The following PPFIA4 variants were observed in gnomAD, a reference collection of about 807,000 sequenced individuals.
PPFIA4 encodes the protein PPFI scaffold protein A4.
A neutral mutation model predicts 145.7 loss-of-function variants in PPFIA4; 98 were observed. The observed-to-expected ratio is 0.67, with a 90% confidence interval of 0.57 to 0.80. PPFIA4 has a LOEUF of 0.80. Ranked by LOEUF, PPFIA4 falls within the 30% of genes least tolerant of loss-of-function variation. PPFIA4 has a pLI of 0.00. For missense variants in PPFIA4, 1,457 were observed against 1,632.7 expected, an observed-to-expected ratio of 0.89 and a Z score of 1.85; for synonymous variants, 628 against 649.6, an observed-to-expected ratio of 0.97 and a Z score of 0.51.
In PPFIA4 at chr1:203,060,472, G is replaced by A; in HGVS notation, c.2784+55G>A. On this transcript the variant is annotated intron_variant, in intron 22 of 29. Coordinates refer to ENST00000295706, the MANE Select transcript of PPFIA4 (RefSeq NM_001304331.2). The surrounding 1 kb of genome is among the most constrained non-coding windows in gnomAD (Gnocchi z 4.8). ...TTTCAGAGGTCCTGGAACATAGTTT[G>A]CAAGGTCTCCTGTTGGGCTTTGGGA... The A allele has an allele frequency of 1.9e-6, 3 of 1,577,812 alleles. No individual in the cohort carries two copies. Among genetic ancestry groups the A allele is most frequent in the Non-Finnish European group, 2.6e-6 (3 of 1,157,300 alleles).
At chr1:203,072,225 G>A (rs1029521994) in intron 28 of PPFIA4, among the ~76,000 whole-genome samples, 9 of 152,186 alleles carry the variant, frequency 5.9e-5, no homozygotes, top group African/African-American at 1.7e-4. Context: ...CCCTGCTGAG[G>A]TTGTTAAATG....
chr1:203,031,422 T>TCACA (rs1658818261), intron 1 of PPFIA4, among the ~76,000 whole-genome samples: 1 of 151,796 alleles, frequency 6.6e-6, no homozygotes, highest in Non-Finnish European at 1.5e-5. Context: ...GTTCTCATGA[T>TCACA]CACACACACA....
Position 203,075,550 on chromosome 1 carries a change from G to A in PPFIA4, c.3394-27G>A, listed in dbSNP as rs1571750402. On this transcript the variant is annotated intron_variant, in intron 28 of 29. Transcript: ENST00000295706. This position sits in a 1 kb window ranked among gnomAD's most constrained non-coding sequence, Gnocchi z 4.1. Reference sequence around the variant, plus strand: ...GGATGGCAATTCCAACAGGGCCCTCGGGCCTCTGGTGTCCCCCATGGTGCA... The same window carrying A: ...GGATGGCAATTCCAACAGGGCCCTCAGGCCTCTGGTGTCCCCCATGGTGCA... 2.9e-6 allele frequency: 4 copies of A among 1,371,416 alleles called. No individual in the cohort carries two copies. The highest frequency in any genetic ancestry group is 3.0e-5 in the African/African-American group (2 of 66,812). 85.0% of individuals were successfully genotyped at this position (1,371,416 alleles called of 1,614,324 possible).
Position 203,075,571 on chromosome 1 carries a change from G to A in PPFIA4, c.3394-6G>A, listed in dbSNP as rs1313441984. On this transcript the variant is annotated splice_polypyrimidine_tract_variant and splice_region_variant and intron_variant, in intron 28 of 29. Coordinates refer to ENST00000295706, the MANE Select transcript of PPFIA4 (RefSeq NM_001304331.2). This position sits in a 1 kb window ranked among gnomAD's most constrained non-coding sequence, Gnocchi z 4.1. ...CCTCGGGCCTCTGGTGTCCCCCATG[G>A]TGCAGGGGGATGACAAGGTGTTTCG... 2 of 1,446,896 alleles carry A rather than the reference G, an allele frequency of 1.4e-6. No individual in the cohort carries two copies. Among genetic ancestry groups the A allele is most frequent in the South Asian group, 1.5e-5 (1 of 68,144 alleles). The allele number at this position is 1,446,896 out of a possible 1,614,324, so 89.6% of individuals were successfully genotyped here.
Position 203,039,049 on chromosome 1 carries a change from T to C in PPFIA4, c.41T>C (p.Leu14Pro). Residue 14 changes from leucine to proline, a missense_variant, in exon 2 of 30, where the codon CTG becomes CCG. By Grantham distance (98) the Leu-to-Pro change is moderately conservative. This residue lies in a region of PPFIA4 where 463 missense variants were observed against 459.8 expected (regional missense o/e 1.01). Transcript: ENST00000295706. ...VMPTINEGDR[L>P]GPPHGADADA... ...CCCACAATCAATGAGGGGGACCGCCTGGGTCCCCCTCATGGCGCCGATGCT... is the reference window on the plus strand; with the variant it reads ...CCCACAATCAATGAGGGGGACCGCCCGGGTCCCCCTCATGGCGCCGATGCT... The C allele has an allele frequency of 2.5e-6, 4 of 1,579,872 alleles. No individual in the cohort carries two copies. In the African/African-American group the frequency reaches 4.1e-5, roughly 16 times the overall value.
intron 1 of PPFIA4, among the ~76,000 whole-genome samples, chr1:203,030,711 GTGGACT>G (rs548171455): frequency 6.6e-4 from 100 of 152,272 alleles, no homozygotes; most frequent in Middle Eastern, 3.4e-3. Flanking sequence ...GAGGCCACAC[GTGGACT>G]TACGCTGTCT....
intron 17 of PPFIA4, 35 bp downstream of exon 17, chr1:203,056,190 T>C: frequency 6.2e-7 from 1 of 1,613,392 alleles, no homozygotes; most frequent in Non-Finnish European, 8.5e-7. Flanking sequence ...TACTAACGGG[T>C]TCACTGCTCC....
chr1:203,027,049 C>T (rs923882517), intron 1 of PPFIA4, among the ~76,000 whole-genome samples: 6 of 152,256 alleles, frequency 3.9e-5, no homozygotes, highest in African/African-American at 9.6e-5. Context: ...GAGGTCTTCG[C>T]TCTTCGCGGG....
rs2102660443 is a variant in PPFIA4, at chr1:203,055,794, A to C, written c.2070+122A>C. 5.5e-6 allele frequency: 8 copies of C among 1,443,052 alleles called. No individual in the cohort carries two copies. The highest frequency in any genetic ancestry group is 6.6e-6 in the Non-Finnish European group (7 of 1,062,128). 89.4% of individuals were successfully genotyped at this position (1,443,052 alleles called of 1,614,324 possible). On this transcript the variant is annotated intron_variant, in intron 16 of 29. Coordinates refer to ENST00000295706, the MANE Select transcript of PPFIA4 (RefSeq NM_001304331.2). This position sits in a 1 kb window ranked among gnomAD's most constrained non-coding sequence, Gnocchi z 4.8. Reference sequence around the variant, plus strand: ...GCCATCTTCTTCCCATGGTGTGTGCAGACCCCGACATGTCAGGCCACCAGC... The same window carrying C: ...GCCATCTTCTTCCCATGGTGTGTGCCGACCCCGACATGTCAGGCCACCAGC...
chr1:203,067,806 G>A lies in PPFIA4; in HGVS notation c.3148+14G>A. On this transcript the variant is annotated intron_variant, in intron 26 of 29. Coordinates refer to ENST00000295706, the MANE Select transcript of PPFIA4 (RefSeq NM_001304331.2). ...ATGAGATCAAGGGTAAGCTCGTCAG[G>A]CTTGGAGAGGGTTCGGGAGCAGCCT... 6.2e-7 allele frequency: 1 copy of A among 1,613,012 alleles called. No homozygotes were observed. Among genetic ancestry groups the A allele is most frequent in the Non-Finnish European group, 8.5e-7 (1 of 1,179,452 alleles).
At chr1:203,039,306 T>G (rs1659535222) in intron 2 of PPFIA4, 64 bp downstream of exon 2, 1 of 1,257,956 alleles carries the variant, frequency 7.9e-7, no homozygotes, top group Non-Finnish European at 1.1e-6. Flanking sequence ...CTAGATCCAC[T>G]GGGCCCTCAG....
In PPFIA4 at chr1:203,038,634, G is replaced by C. The variant is rs1033210632; in HGVS notation, c.-375G>C. ...GACACACTGCCCTCCAGAAACGATG[G>C]GTGTCGCTAGATCCAGCTGGGACTC... On this transcript the variant is annotated 5_prime_UTR_variant, in exon 2 of 30. Coordinates refer to ENST00000295706, the MANE Select transcript of PPFIA4 (RefSeq NM_001304331.2). The C allele has an allele frequency of 6.0e-6, 1 of 165,920 alleles. No homozygotes were observed. The highest frequency in any genetic ancestry group is 1.3e-5 in the Non-Finnish European group (1 of 77,160). The allele number at this position is 165,920 out of a possible 1,614,324, so 10.3% of individuals were successfully genotyped here.
Position 203,055,291 on chromosome 1 carries a change from T to A in PPFIA4, c.1830-141T>A. The A allele has an allele frequency of 9.0e-7, 1 of 1,108,358 alleles. No homozygotes were observed. The highest frequency in any genetic ancestry group is 1.5e-5 in the South Asian group (1 of 66,590). The allele number at this position is 1,108,358 out of a possible 1,614,324, so 68.7% of individuals were successfully genotyped here. A position where few individuals can be genotyped will look rare whatever the true frequency, so the allele number is the denominator to read the frequency against. On this transcript the variant is annotated intron_variant, in intron 15 of 29. Coordinates refer to ENST00000295706, the MANE Select transcript of PPFIA4 (RefSeq NM_001304331.2). The surrounding 1 kb of genome is among the most constrained non-coding windows in gnomAD (Gnocchi z 4.8). ...AGCTAACAAGAAAGAGATGTGTTTC[T>A]AAGCTCCAGTGGGACAGACAAAGCC...
Position 203,055,641 on chromosome 1 carries a change from A to T in PPFIA4, c.2039A>T (p.Gln680Leu). The change falls in exon 16 of 30, where the codon CAG becomes CTG. Residue 680 changes from glutamine to leucine, a missense_variant. Gln to Leu is a moderately radical substitution (Grantham distance 113, BLOSUM62 -2). This residue lies in a region of PPFIA4 where 848 missense variants were observed against 1,046.7 expected (regional missense o/e 0.81). Coordinates refer to ENST00000295706, the MANE Select transcript of PPFIA4 (RefSeq NM_001304331.2). This position sits in a 1 kb window ranked among gnomAD's most constrained non-coding sequence, Gnocchi z 4.8. ...AAGCTCACCTCCCGCAGTGCTGCCC[A>T]GGACCTGGACCGAATGGGGGTCATG... ...TPKLTSRSAA[Q>L]DLDRMGVMTL... The T allele has an allele frequency of 1.9e-6, 3 of 1,614,004 alleles. No homozygotes were observed. The highest frequency in any genetic ancestry group is 2.5e-6 in the Non-Finnish European group (3 of 1,179,886).
Position 203,045,988 on chromosome 1 carries a change from G to A in PPFIA4, c.1005+1G>A. The A allele has an allele frequency of 1.2e-6, 2 of 1,612,548 alleles. No homozygotes were observed. Among genetic ancestry groups the A allele is most frequent in the Non-Finnish European group, 1.7e-6 (2 of 1,179,796 alleles). On this transcript the variant is annotated splice_donor_variant, in intron 8 of 29. Coordinates refer to ENST00000295706, the MANE Select transcript of PPFIA4 (RefSeq NM_001304331.2). LOFTEE classifies it high-confidence loss of function. Reference sequence around the variant, plus strand: ...CAACAAGGAGTCCCTGCACCGCCAGGTACCTCCTCAGGGTGGGGTGGGGAT... The same window carrying A: ...CAACAAGGAGTCCCTGCACCGCCAGATACCTCCTCAGGGTGGGGTGGGGAT...
chr1:203,037,169 C>A, intron 1 of PPFIA4: 1 of 370,762 alleles, frequency 2.7e-6, no homozygotes, highest in Non-Finnish European at 5.6e-6. Context: ...CCTGTTTCTG[C>A]CTAGAGCATC....
chr1:203,049,226 A>T (rs116014606), intron 12 of PPFIA4, among the ~76,000 whole-genome samples: 1 of 152,206 alleles, frequency 6.6e-6, no homozygotes, highest in East Asian at 1.9e-4. Context: ...GGCAGGGCCC[A>T]GTGAGGGGCT....
In PPFIA4 at chr1:203,056,774, CA is replaced by C. The variant is rs757862504; in HGVS notation, c.2241-9del. The stretch of plus-strand genomic sequence containing the variant: ...TCTTATTCCGCCCCCTTCTGGCTGT[CA>C]CCCTGTAGTGCCTTGGAGGATCAGG... On this transcript the variant is annotated splice_polypyrimidine_tract_variant and intron_variant, in intron 18 of 29. Coordinates refer to ENST00000295706, the MANE Select transcript of PPFIA4 (RefSeq NM_001304331.2). 1.9e-6 allele frequency: 3 copies of C among 1,590,440 alleles called. No homozygotes were observed. In the South Asian group the frequency reaches 3.4e-5, roughly 18 times the overall value.
intron 27 of PPFIA4, among the ~76,000 whole-genome samples, chr1:203,071,122 T>A (rs565990011): frequency 1.3e-4 from 18 of 140,852 alleles, no homozygotes; most frequent in Non-Finnish European, 2.5e-4. Context: ...GTTAATTAAA[T>A]TTTTTTTTTT....
Sources: allele counts gnomAD v4.1 joint callset (sites outside exome capture counted in the v4.1 genomes callset), GRCh38; gene constraint gnomAD v4.1.1; regional missense constraint gnomAD v4.1.1; non-coding constraint Gnocchi (gnomAD v3.1); transcripts MANE v1.5; gene names NCBI Gene and HGNC (gene_info 2026-07-23, HGNC 2026-07-21).